GLRA2: variants seen among roughly 807,000 people sequenced by gnomAD.
GLRA2 encodes the protein glycine receptor subunit alpha-2.
GLRA2 carries 11 observed loss-of-function variants against 31.6 expected under a neutral mutation model. The ratio of observed to expected loss-of-function variants is 0.35; its 90% confidence interval spans 0.22 to 0.58. The LOEUF is 0.58. Ranked by LOEUF, GLRA2 falls within the 20% of genes least tolerant of loss-of-function variation. GLRA2 has a pLI of 0.84. For missense variants in GLRA2, 212 were observed against 351.8 expected (o/e 0.60, Z 3.18); for synonymous variants, 132 against 134.0 (o/e 0.99, Z 0.10).
chrX:14,682,933 CT>C (rs2091231162), intron 7 of GLRA2, among the ~76,000 whole-genome samples: 1 of 111,517 alleles, frequency 9.0e-6, no homozygotes, highest in Admixed American at 9.5e-5. Flanking sequence ...GCCACATTTT[CT>C]TAATCCAGTC....
At chrX:14,541,978 A>T (rs894607635) in intron 2 of GLRA2, among the ~76,000 whole-genome samples, 1 of 111,703 alleles carries the variant, frequency 9.0e-6, no homozygotes, top group Non-Finnish European at 1.9e-5. Flanking sequence ...AGTCTGGTTA[A>T]AAAGGCAAAT....
the GLRA2 span, among the ~76,000 whole-genome samples, chrX:14,490,130 A>G: frequency 9.0e-6 from 1 of 111,475 alleles, no homozygotes; most frequent in Non-Finnish European, 1.9e-5. Flanking sequence ...CTCCTTTCTA[A>G]CAATCCTCCC....
At chrX:14,677,907 G>T (rs1569520539) in intron 7 of GLRA2, among the ~76,000 whole-genome samples, 3 of 111,637 alleles carry the variant, frequency 2.7e-5, no homozygotes, top group African/African-American at 6.5e-5. Flanking sequence ...TCTCTCTCAG[G>T]GTTTTCCAAC....
At chrX:14,517,633 CAT>C in the GLRA2 span, among the ~76,000 whole-genome samples, 46 of 111,724 alleles carry the variant, frequency 4.1e-4, no homozygotes, top group African/African-American at 1.4e-3. Context: ...CCTCCCATGA[CAT>C]GTGGGGATTA....
intron 8 of GLRA2, among the ~76,000 whole-genome samples, chrX:14,696,047 A>T (rs914060243): frequency 1.8e-5 from 2 of 110,262 alleles, no homozygotes; most frequent in African/African-American, 6.6e-5. Flanking sequence ...CGGTTTAACT[A>T]CAATTGAAGT....
At chrX:14,574,190 T>A in intron 2 of GLRA2, 143 bp from the exon 3 acceptor site, 1 of 468,599 alleles carries the variant, frequency 2.1e-6, no homozygotes, top group Non-Finnish European at 3.8e-6. Flanking sequence ...ATGTTATCAT[T>A]ATGCACCTCA....
chrX:14,659,668 C>T (rs1281312616), intron 7 of GLRA2, among the ~76,000 whole-genome samples: 1 of 110,337 alleles, frequency 9.1e-6, no homozygotes, highest in African/African-American at 3.3e-5. Flanking sequence ...GGGCTGCCAT[C>T]AAGAGGAGTG....
At chrX:14,466,594 T>G in the GLRA2 span, among the ~76,000 whole-genome samples, 1 of 111,438 alleles carries the variant, frequency 9.0e-6, no homozygotes, top group Non-Finnish European at 1.9e-5. Context: ...CAGGGATTTT[T>G]TTTGTGGTGT....
chrX:14,677,422 G>T (rs2091155978), intron 7 of GLRA2, among the ~76,000 whole-genome samples: 1 of 111,643 alleles, frequency 9.0e-6, no homozygotes, highest in Admixed American at 9.5e-5. Context: ...AAACACATAT[G>T]CATGAAGCGA....
At chrX:14,710,277 G>A (rs1002820993) in intron 8 of GLRA2, among the ~76,000 whole-genome samples, 4 of 112,066 alleles carry the variant, frequency 3.6e-5, no homozygotes, top group African/African-American at 1.3e-4. Context: ...TCATCCCTCT[G>A]AGCTACTTCC....
intron 7 of GLRA2, among the ~76,000 whole-genome samples, chrX:14,613,446 T>C (rs1413314446): frequency 1.8e-5 from 2 of 110,809 alleles, no homozygotes; most frequent in Non-Finnish European, 3.8e-5. Context: ...CAACAAACCA[T>C]GGATCAAAAA....
chrX:14,679,628 A>G (rs1162860826), intron 7 of GLRA2, among the ~76,000 whole-genome samples: 1 of 110,515 alleles, frequency 9.0e-6, no homozygotes, highest in African/African-American at 3.3e-5. Flanking sequence ...TGGGTTGCTC[A>G]TTATTCGCAA....
chrX:14,588,363 C>T (rs1484544927), intron 4 of GLRA2, among the ~76,000 whole-genome samples: 1 of 111,568 alleles, frequency 9.0e-6, no homozygotes, highest in East Asian at 2.8e-4. Context: ...AGTCCTTTCC[C>T]CAGCTTGTTT....
At chrX:14,683,463 G>A (rs1202531022) in intron 7 of GLRA2, among the ~76,000 whole-genome samples, 2 of 111,053 alleles carry the variant, frequency 1.8e-5, no homozygotes, top group Non-Finnish European at 3.8e-5. Flanking sequence ...TGTCAGATGA[G>A]TAGATTGCAA....
rs781529805 is a variant in GLRA2 at position 14,613,652 on chromosome X, C to G, written c.930+4447C>G. 3.6e-5 allele frequency among the ~76,000 whole-genome samples: 4 copies of G among 111,404 alleles called. No homozygotes were observed. In the East Asian group the frequency reaches 8.6e-4, roughly 24 times the overall value. On this transcript the variant is annotated intron_variant, in intron 7 of 8. Coordinates refer to ENST00000218075, the MANE Select transcript of GLRA2 (RefSeq NM_002063.4). ...AGGGACTTGAGCATCCACAGATTTTCGTATTTGCAAAGATCCTGGAACCAA... is the reference window on the plus strand; with the variant it reads ...AGGGACTTGAGCATCCACAGATTTTGGTATTTGCAAAGATCCTGGAACCAA...
At chrX:14,490,602 G>A in the GLRA2 span, among the ~76,000 whole-genome samples, 1 of 112,005 alleles carries the variant, frequency 8.9e-6, no homozygotes, top group African/African-American at 3.2e-5. Flanking sequence ...TTATCAGCTT[G>A]CAAAATTCAT....
Position 14,581,243 on chromosome X carries a change from G to A in GLRA2, c.331G>A (p.Glu111Lys). 1 of 1,191,034 alleles carries A rather than the reference G, an allele frequency of 8.4e-7. No homozygotes were observed. Among genetic ancestry groups the A allele is most frequent in the Non-Finnish European group, 1.1e-6 (1 of 876,532 alleles). The change falls in exon 4 of 9, where the codon GAG (glutamate) becomes AAG (lysine). Residue 111 changes from glutamate to lysine, a missense_variant. Transcript: ENST00000218075. Reference protein sequence around the residue: ...QWNDSRLAYSEYPDDSLDLDP... With the variant: ...QWNDSRLAYSKYPDDSLDLDP... ...GAATGATTCACGGCTGGCGTACAGT[G>A]AGTACCCAGATGACTCCCTGGACTT...
chrX:14,646,304 C>T (rs1002974365), intron 7 of GLRA2, among the ~76,000 whole-genome samples: 20 of 111,858 alleles, frequency 1.8e-4, no homozygotes, highest in African/African-American at 6.2e-4. Context: ...ATTCTAGGTT[C>T]CTTTAATTGG....
chrX:14,556,075 A>T (rs1184172729), intron 2 of GLRA2, among the ~76,000 whole-genome samples: 1 of 112,019 alleles, frequency 8.9e-6, no homozygotes, highest in Admixed American at 9.4e-5. Flanking sequence ...ATCATGCAAA[A>T]TTTCATCAAT....
Sources: allele counts gnomAD v4.1 joint callset (sites outside exome capture counted in the v4.1 genomes callset), GRCh38; gene constraint gnomAD v4.1.1; transcripts MANE v1.5; gene names NCBI Gene and HGNC (gene_info 2026-07-23, HGNC 2026-07-21).